Variants in FBXW4 observed in about 807,000 individuals in gnomAD.
The protein encoded by FBXW4 is F-box and WD repeat domain containing 4.
In FBXW4, 40 loss-of-function variants were observed where a neutral mutation model predicts 61.8. That is an observed-to-expected ratio of 0.65 (90% CI 0.50 to 0.84). The LOEUF is 0.84. Ranked by LOEUF, FBXW4 falls within the 40% of genes least tolerant of loss-of-function variation. The probability of loss-of-function intolerance (pLI) is 0.00; values close to 1 mark genes in which losing one functional copy is unlikely to be tolerated. For synonymous variants in FBXW4, 311 were observed against 313.8 expected, an observed-to-expected ratio of 0.99 and a Z score of 0.10; for missense variants, 672 against 753.8, an observed-to-expected ratio of 0.89 and a Z score of 1.27.
At chr10:101,664,668 A>G (rs931410592) in intron 5 of FBXW4, among the ~76,000 whole-genome samples, 1 of 152,202 alleles carries the variant, frequency 6.6e-6, no homozygotes, top group Non-Finnish European at 1.5e-5. Context: ...AGCCCAGGAA[A>G]AGGGTACAGA....
At chr10:101,683,006 G>C (rs1447214556) in intron 1 of FBXW4, among the ~76,000 whole-genome samples, 3 of 152,146 alleles carry the variant, frequency 2.0e-5, no homozygotes, top group African/African-American at 7.2e-5. Flanking sequence ...TTCAGCACCT[G>C]AAAAATCCAA....
At position 101,652,370 on chromosome 10, in the gene FBXW4, G is replaced by A. The variant is rs377324335; in HGVS notation, c.1235+15516C>T. On this transcript the variant is annotated intron_variant, in intron 5 of 8. Coordinates refer to ENST00000331272, the MANE Select transcript of FBXW4 (RefSeq NM_022039.4). ...ATTCTAAATCAGTCTCTCTTGCTTC[G>A]CCCTGGATACCAGTACACATGGAGG... Among the ~76,000 whole-genome samples, 29 of 152,014 alleles carry A rather than the reference G, an allele frequency of 1.9e-4. 1 individual carries two copies. In the East Asian group the frequency reaches 5.2e-3, roughly 27 times the overall value.
At chr10:101,658,823 CA>C (rs1388649499) in intron 5 of FBXW4, among the ~76,000 whole-genome samples, 3 of 151,980 alleles carry the variant, frequency 2.0e-5, no homozygotes, top group Non-Finnish European at 4.4e-5. Flanking sequence ...TCCATTGGCT[CA>C]AAAAACTAAA....
In FBXW4 at chr10:101,673,632, A is replaced by G. The variant is rs1382517489; in HGVS notation, c.863T>C (p.Ile288Thr). ...GGCCAGGATGAAATTAGCCTGGGAT[A>G]TGTACAGAGAATCATCCTCTAGCTG... Reference protein sequence around the residue: ...WMQLEDDSLYISQANFILAYQ... With the variant: ...WMQLEDDSLYTSQANFILAYQ... Residue 288 changes from isoleucine (I) to threonine (T), a missense_variant, in exon 3 of 9, where the codon ATA becomes ACA. Ile to Thr is a moderately conservative substitution (Grantham distance 89, BLOSUM62 -1). Transcript: ENST00000331272. 5 of 1,613,994 alleles carry G rather than the reference A, an allele frequency of 3.1e-6. No homozygotes were observed. The African/African-American group carries it at 6.7e-5, about 22-fold the overall frequency.
rs148535514 is a variant in FBXW4, at chr10:101,624,783, G to A, written c.1263C>T (p.Cys421=). The change falls in exon 6 of 9, where the codon TGC becomes TGT. Residue 421 remains cysteine, a synonymous_variant. Coordinates refer to ENST00000331272, the MANE Select transcript of FBXW4 (RefSeq NM_022039.4). The part of the protein sequence containing the change: ...LSSFVTGTAC[C]GHFSPLRIWD... ...AGATTCTCAGGGGTGAGAAGTGCCC[G>A]CAACAAGCCGTCCCTGTCACAAAAG... 5.6e-5 allele frequency: 91 copies of A among 1,614,184 alleles called. 1 individual carries two copies. The Middle Eastern group carries it at 6.6e-4, about 12-fold the overall frequency.
chr10:101,611,686 C>A lies in FBXW4; in HGVS notation c.1526G>T (p.Gly509Val). 1 of 1,614,216 alleles carries A rather than the reference C, an allele frequency of 6.2e-7. No homozygotes were observed. The highest frequency in any genetic ancestry group is 8.5e-7 in the Non-Finnish European group (1 of 1,180,042). Residue 509 changes from glycine to valine, a missense_variant, in exon 8 of 9, where the codon GGT becomes GTT. Transcript: ENST00000331272. This position sits in a 1 kb window ranked among gnomAD's most constrained non-coding sequence, Gnocchi z 4.9. ...CCGTACAACACCGTAGTAGGAGGAA[C>A]CTGTGGCCAGCAGGTGGTTGCCATC... ...QTDGNHLLAT[G>V]SSYYGVVRLW...
chr10:101,611,366 G>A lies in FBXW4; in HGVS notation c.1629C>T (p.Cys543=). The part of the protein sequence containing the change: ...TSTPLSSPVY[C]LRLTTKHLYA... ...AGAGATGCTTGGTGGTGAGACGCAGGCAGTACACAGGGCTGCTGAGGGGAG... is the reference window on the plus strand; with the variant it reads ...AGAGATGCTTGGTGGTGAGACGCAGACAGTACACAGGGCTGCTGAGGGGAG... The change falls in exon 9 of 9, where the codon TGC becomes TGT. Residue 543 remains cysteine (C), a synonymous_variant. Transcript: ENST00000331272. The surrounding 1 kb of genome is among the most constrained non-coding windows in gnomAD (Gnocchi z 4.9). 1 of 1,614,160 alleles carries A rather than the reference G, an allele frequency of 6.2e-7. No homozygotes were observed. The highest frequency in any genetic ancestry group is 8.5e-7 in the Non-Finnish European group (1 of 1,180,004).
chr10:101,664,582 G>A (rs184377885), intron 5 of FBXW4, among the ~76,000 whole-genome samples: 45 of 152,270 alleles, frequency 3.0e-4, no homozygotes, highest in African/African-American at 2.6e-4. Context: ...ACACTACAGG[G>A]GGAAGAGAGA....
rs2064359195 is a variant in FBXW4 at position 101,671,681 on chromosome 10, T to C, written c.1140+1234A>G. Among the ~76,000 whole-genome samples, 6 of 152,192 alleles carry C rather than the reference T, an allele frequency of 3.9e-5. No homozygotes were observed. In the South Asian group the frequency reaches 1.2e-3, roughly 31 times the overall value. ...TAGGTCACACATGCCACAAAAGGTT[T>C]CTATGCAAATTGACTTTTGAGCAGT... On this transcript the variant is annotated intron_variant, in intron 4 of 8. Transcript: ENST00000331272.
In FBXW4 at chr10:101,694,460, A is replaced by G; in HGVS notation, c.646T>C (p.Phe216Leu). 6.5e-7 allele frequency: 1 copy of G among 1,533,902 alleles called. No individual in the cohort carries two copies. The highest frequency in any genetic ancestry group is 1.2e-5 in the South Asian group (1 of 82,688). Residue 216 changes from phenylalanine to leucine, a missense_variant, in exon 1 of 9, where the codon TTC becomes CTC. Physicochemically the swap from Phe to Leu is conservative, Grantham distance 22. Around this residue, in one of 5 missense-constraint regions of FBXW4, gnomAD observed 311 missense variants for 301.1 expected, o/e 1.03. Coordinates refer to ENST00000331272, the MANE Select transcript of FBXW4 (RefSeq NM_022039.4). The surrounding 1 kb of genome is among the most constrained non-coding windows in gnomAD (Gnocchi z 6.0). ...LAQVCRWLRR[F>L]TSCDLLWRRI... is the part of the protein sequence containing the mutation. Reference sequence around the variant, plus strand: ...CGCCAGAGCAGATCGCAGCTGGTGAAGCGCCGCAGCCAGCGGCACACCTGG... The same window carrying G: ...CGCCAGAGCAGATCGCAGCTGGTGAGGCGCCGCAGCCAGCGGCACACCTGG...
chr10:101,629,774 G>A (rs2063936548), intron 5 of FBXW4, among the ~76,000 whole-genome samples: 1 of 151,606 alleles, frequency 6.6e-6, no homozygotes, highest in African/African-American at 2.4e-5. Context: ...AGTCTTGTTT[G>A]AATCTCCAGC....
chr10:101,625,525 T>C (rs1476901270), intron 5 of FBXW4: 1 of 152,296 alleles, frequency 6.6e-6, no homozygotes, highest in Non-Finnish European at 1.5e-5. Context: ...GCTGACCCTG[T>C]TGCCCAGAGT....
intron 5 of FBXW4, among the ~76,000 whole-genome samples, chr10:101,662,178 T>C (rs546065713): frequency 1.3e-5 from 2 of 152,310 alleles, no homozygotes; most frequent in South Asian, 4.1e-4. Flanking sequence ...TAAAGAAAGA[T>C]GTATTTCAAC....
chr10:101,635,064 A>G lies in FBXW4; in HGVS notation c.1236-10254T>C, dbSNP rs984254357. 1.1e-4 allele frequency among the ~76,000 whole-genome samples: 16 copies of G among 149,298 alleles called. 2 individuals carry two copies. The highest frequency in any genetic ancestry group is 4.0e-4 in the African/African-American group (16 of 39,808). On this transcript the variant is annotated intron_variant, in intron 5 of 8. Coordinates refer to ENST00000331272, the MANE Select transcript of FBXW4 (RefSeq NM_022039.4). Reference sequence around the variant, plus strand: ...GTAAGTGGTGGGCAAGCAAACTTCAACTGAATTTACAGCCACTTCCCATCA... The same window carrying G: ...GTAAGTGGTGGGCAAGCAAACTTCAGCTGAATTTACAGCCACTTCCCATCA...
Position 101,612,382 on chromosome 10 carries a change from C to A in FBXW4, c.1397G>T (p.Gly466Val). ...YESPFTLLSC[G>V]YDTYVRYWDL... ...CCAGTAGCGAACATAGGTGTCATAG[C>A]CACAGGACAGCAGTGTGAAAGGGGA... The change falls in exon 7 of 9, where the codon GGC (glycine) becomes GTC (valine). Residue 466 changes from glycine to valine, a missense_variant. Physicochemically the swap from Gly to Val is moderately radical, Grantham distance 109. Around this residue, in one of 5 missense-constraint regions of FBXW4, gnomAD observed 312 missense variants for 370.1 expected, o/e 0.84. Transcript: ENST00000331272. 6.3e-7 allele frequency: 1 copy of A among 1,599,210 alleles called. No individual in the cohort carries two copies. The highest frequency in any genetic ancestry group is 8.5e-7 in the Non-Finnish European group (1 of 1,172,300).
At chr10:101,623,598 G>T (rs1427891288) in intron 6 of FBXW4, among the ~76,000 whole-genome samples, 2 of 152,128 alleles carry the variant, frequency 1.3e-5, no homozygotes, top group Non-Finnish European at 2.9e-5. Context: ...TTATCCCAGA[G>T]AAATGAAAAT....
chr10:101,682,838 GAA>G (rs76575159), intron 1 of FBXW4, among the ~76,000 whole-genome samples: 15 of 139,600 alleles, frequency 1.1e-4, no homozygotes, highest in African/African-American at 3.6e-4. Flanking sequence ...TTTAGACTTT[GAA>G]AAAAAAAAAA....
At chr10:101,617,127 C>T (rs989628224) in intron 6 of FBXW4, among the ~76,000 whole-genome samples, 4 of 152,224 alleles carry the variant, frequency 2.6e-5, no homozygotes, top group African/African-American at 9.6e-5. Flanking sequence ...GTGTACCAGG[C>T]AACGTGCTGA....
In FBXW4 at chr10:101,664,951, A is replaced by G. The variant is rs111947433; in HGVS notation, c.1235+2935T>C. 8.6e-4 allele frequency among the ~76,000 whole-genome samples: 131 copies of G among 152,324 alleles called. 1 individual carries two copies. The highest frequency in any genetic ancestry group is 1.2e-3 in the Non-Finnish European group (82 of 68,020). ...AAAGGAAATAGTATTCATATTTAATATGACGAAACTGAGGCTGGGAGCGGG... is the reference window on the plus strand; with the variant it reads ...AAAGGAAATAGTATTCATATTTAATGTGACGAAACTGAGGCTGGGAGCGGG... On this transcript the variant is annotated intron_variant, in intron 5 of 8. Coordinates refer to ENST00000331272, the MANE Select transcript of FBXW4 (RefSeq NM_022039.4).
Sources: allele counts gnomAD v4.1 joint callset (sites outside exome capture counted in the v4.1 genomes callset), GRCh38; gene constraint gnomAD v4.1.1; regional missense constraint gnomAD v4.1.1; non-coding constraint Gnocchi (gnomAD v3.1); transcripts MANE v1.5; gene names NCBI Gene and HGNC (gene_info 2026-07-23, HGNC 2026-07-21).